ABCC8: variants seen among roughly 807,000 people sequenced by gnomAD.
ABCC8 encodes ATP binding cassette subfamily C member 8.
In ABCC8, 137 loss-of-function variants were observed where a neutral mutation model predicts 188.0. The observed-to-expected ratio is 0.73, with a 90% CI of 0.63 to 0.84. The LOEUF is 0.84. ABCC8 is among the 40% of genes least tolerant of loss of function. The pLI is 0.00. For synonymous variants in ABCC8, 797 were observed against 846.5 expected, an observed-to-expected ratio of 0.94 and a Z score of 1.01; for missense variants, 1,750 against 2,072.7, an observed-to-expected ratio of 0.84 and a Z score of 3.02.
At chr11:17,435,713 C>A (rs1377463422) in intron 10 of ABCC8, 1 of 1,376,106 alleles carries the variant, frequency 7.3e-7, no homozygotes, top group African/African-American at 1.4e-5. Flanking sequence ...ACAGTAAGAA[C>A]CGGGACAACC....
At chr11:17,408,279 C>T (rs1161510818) in intron 23 of ABCC8, 113 bp downstream of exon 23, 1 of 1,039,410 alleles carries the variant, frequency 9.6e-7, no homozygotes, top group Non-Finnish European at 1.4e-6. Flanking sequence ...CCCACATCTG[C>T]CCTTTAGGGG....
At chr11:17,411,798 C>A (rs1273581092) in intron 21 of ABCC8, among the ~76,000 whole-genome samples, 1 of 152,050 alleles carries the variant, frequency 6.6e-6, no homozygotes, top group African/African-American at 2.4e-5. Flanking sequence ...ATCTTTGAGG[C>A]CAAGGACTGG....
intron 20 of ABCC8, 192 bp from the exon 21 acceptor site, chr11:17,412,938 C>A: frequency 7.8e-7 from 1 of 1,279,864 alleles, no homozygotes; most frequent in Non-Finnish European, 1.1e-6. Context: ...GCATGAGCCC[C>A]AAGTCTTTAA....
intron 11 of ABCC8, among the ~76,000 whole-genome samples, chr11:17,431,534 C>A (rs1955849042): frequency 6.6e-6 from 1 of 152,252 alleles, no homozygotes; most frequent in African/African-American, 2.4e-5. Flanking sequence ...TTTTAAGGAA[C>A]TGCAGCCATC....
In ABCC8 at chr11:17,415,448, C is replaced by T. The variant is rs867655154; in HGVS notation, c.2256-109G>A. 13 of 1,547,332 alleles carry T rather than the reference C, an allele frequency of 8.4e-6. No homozygotes were observed. In the African/African-American group the frequency reaches 1.8e-4, roughly 21 times the overall value. On this transcript the variant is annotated intron_variant, in intron 17 of 38. Coordinates refer to ENST00000389817, the MANE Select transcript of ABCC8 (RefSeq NM_000352.6). ...AACATGAGCATGCCTTTACAATCCC[C>T]TGGACCCAGTCTGTAGCCACAAATG... is the stretch of plus-strand genomic sequence containing the variant.
chr11:17,398,597 C>T, intron 29 of ABCC8, 156 bp from the exon 30 acceptor site: 1 of 1,421,912 alleles, frequency 7.0e-7, no homozygotes, highest in Non-Finnish European at 9.6e-7. Flanking sequence ...GGAATGTCCA[C>T]CCCACTCCTT....
intron 21 of ABCC8, among the ~76,000 whole-genome samples, chr11:17,412,046 C>G (rs187222747): frequency 1.6e-4 from 24 of 152,126 alleles, no homozygotes; most frequent in African/African-American, 5.8e-4. Flanking sequence ...GCGCCCGCCA[C>G]CGCACCCAGC....
At chr11:17,439,159 T>G (rs1381295172) in intron 10 of ABCC8, among the ~76,000 whole-genome samples, 1 of 151,134 alleles carries the variant, frequency 6.6e-6, no homozygotes, top group Non-Finnish European at 1.5e-5. Flanking sequence ...TATATTTCTA[T>G]TTTTACTCAA....
chr11:17,444,579 C>T (rs571640747), intron 8 of ABCC8, among the ~76,000 whole-genome samples: 2 of 152,350 alleles, frequency 1.3e-5, no homozygotes, highest in Admixed American at 1.3e-4. Flanking sequence ...CTCCTAGGTG[C>T]TCCCAAGACT....
intron 10 of ABCC8, 122 bp downstream of exon 10, chr11:17,442,598 T>C (rs574151392): frequency 9.2e-6 from 9 of 980,064 alleles, no homozygotes; most frequent in East Asian, 4.8e-5. Flanking sequence ...GCTCCCCTAC[T>C]GAGTCGGATA....
rs61611844 is a variant in ABCC8, at chr11:17,434,996, T to TGC, written c.1631-2753_1631-2752insGC. Among the ~76,000 whole-genome samples the TGC allele has an allele frequency of 2.7e-3, 406 of 151,790 alleles. 2 individuals are homozygous for TGC. The highest frequency in any genetic ancestry group is 9.5e-3 in the African/African-American group (392 of 41,284). On this transcript the variant is annotated intron_variant, in intron 10 of 38. Coordinates refer to ENST00000389817, the MANE Select transcript of ABCC8 (RefSeq NM_000352.6). ...CTGCGTGTGTTCGCGTGTGTGTGTGTGTGTGTGTGTGTGTGTGTGTGTTTT... is the reference window on the plus strand; with the variant it reads ...CTGCGTGTGTTCGCGTGTGTGTGTGTGCGTGTGTGTGTGTGTGTGTGTGTTTT...
intron 7 of ABCC8, among the ~76,000 whole-genome samples, chr11:17,450,680 A>C (rs1956779673): frequency 1.1e-5 from 1 of 94,530 alleles, no homozygotes. Context: ...TACAGGCATG[A>C]GCCACTTTTT....
intron 20 of ABCC8, chr11:17,413,091 T>A (rs557452993): frequency 1.7e-6 from 1 of 597,378 alleles, no homozygotes; most frequent in Non-Finnish European, 2.9e-6. Context: ...ATCTGGAGGA[T>A]GAACAGGAAC....
At chr11:17,436,116 G>C (rs1383321840) in intron 10 of ABCC8, 8 of 805,482 alleles carry the variant, frequency 9.9e-6, no homozygotes, top group East Asian at 2.4e-5. Context: ...TTCTGGTACA[G>C]AGCTGAGGGC....
At chr11:17,398,546 G>T (rs1226072537) in intron 29 of ABCC8, 105 bp from the exon 30 acceptor site, 20 of 1,565,344 alleles carry the variant, frequency 1.3e-5, no homozygotes, top group Non-Finnish European at 3.5e-6. Context: ...CCAGTCCCCA[G>T]ACATGCCACC....
chr11:17,454,335 G>A (rs1956916333), intron 6 of ABCC8, among the ~76,000 whole-genome samples: 1 of 152,200 alleles, frequency 6.6e-6, no homozygotes, highest in Non-Finnish European at 1.5e-5. Flanking sequence ...AGCCCTCACT[G>A]CTCCCTGGAG....
chr11:17,432,636 C>T (rs191075163), intron 10 of ABCC8, among the ~76,000 whole-genome samples: 253 of 152,322 alleles, frequency 1.7e-3, no homozygotes, highest in African/African-American at 5.7e-3. Context: ...CTGTGTCCCC[C>T]CAAGCCAGGC....
At chr11:17,393,626 A>G (rs546748262) in intron 38 of ABCC8, 71 bp downstream of exon 38, 2 of 1,604,450 alleles carry the variant, frequency 1.2e-6, no homozygotes, top group East Asian at 4.5e-5. Context: ...GGGGCTGTGC[A>G]CTGATGACGG....
At chr11:17,441,716 C>T (rs1032827448) in intron 10 of ABCC8, among the ~76,000 whole-genome samples, 5 of 152,180 alleles carry the variant, frequency 3.3e-5, no homozygotes, top group South Asian at 2.1e-4. Flanking sequence ...ACCTGACCTC[C>T]GTAAGCCCTC....
Sources: gnomAD v4.1 joint callset for allele counts (sites outside exome capture counted in the v4.1 genomes callset) on GRCh38, gnomAD v4.1.1 for gene constraint, MANE v1.5 for transcripts, NCBI Gene and HGNC (gene_info 2026-07-23, HGNC 2026-07-21) for gene names.